GOLGB1: variants seen among roughly 807,000 people sequenced by gnomAD.
GOLGB1 encodes the protein golgin subfamily B member 1.
A neutral mutation model predicts 336.9 loss-of-function variants in GOLGB1; 174 were observed. The ratio of observed to expected loss-of-function variants is 0.52; its 90% CI spans 0.46 to 0.59. The LOEUF (loss-of-function observed/expected upper bound fraction) is 0.59. Ranked by LOEUF, GOLGB1 falls within the 20% of genes least tolerant of loss-of-function variation. The probability of loss-of-function intolerance (pLI) is 0.00; values close to 1 mark genes in which losing one functional copy is unlikely to be tolerated. For missense variants in GOLGB1, 3,331 were observed against 3,645.3 expected (o/e 0.91, Z 2.22); for synonymous variants, 1,208 against 1,289.2 (o/e 0.94, Z 1.35).
chr3:121,673,967 C>T (rs149682420), intron 17 of GOLGB1, among the ~76,000 whole-genome samples: 3 of 152,144 alleles, frequency 2.0e-5, no homozygotes, highest in African/African-American at 7.2e-5. Context: ...GTGATCCACT[C>T]ACCTTGGCCT....
rs1576433321 is a variant in GOLGB1, at chr3:121,723,627, C to T, written c.532-1249G>A. On this transcript the variant is annotated intron_variant, in intron 5 of 21. Coordinates refer to ENST00000614479, the MANE Select transcript of GOLGB1 (RefSeq NM_001366282.2). ...GGATATACCACAGTTTAAATATTTC[C>T]CTATTGATGGGCATGTGAGTTGTTT... Among the ~76,000 whole-genome samples the T allele has an allele frequency of 2.0e-5, 3 of 152,030 alleles. No individual in the cohort carries two copies. The South Asian group carries it at 6.2e-4, about 32-fold the overall frequency.
intron 10 of GOLGB1, among the ~76,000 whole-genome samples, chr3:121,705,169 G>A (rs1015508459): frequency 7.9e-5 from 12 of 152,188 alleles, no homozygotes; most frequent in Non-Finnish European, 1.6e-4. Context: ...GGAATAGGGT[G>A]AGGGTATATG....
chr3:121,669,269 A>G lies in GOLGB1; in HGVS notation c.9264T>C (p.Tyr3088=). ...CTGCACAGTGATTTAAAAGGTCACCATAGTGCTGCTGGTTCTCACGAAGAC... is the reference window on the plus strand; with the variant it reads ...CTGCACAGTGATTTAAAAGGTCACCGTAGTGCTGCTGGTTCTCACGAAGAC... ...SQSLRENQQH[Y]GDLLNHCAVL... is the part of the protein sequence containing the mutation. The change falls in exon 18 of 22, where the codon TAT becomes TAC. Residue 3088 remains tyrosine (Y), a synonymous_variant. Coordinates refer to ENST00000614479, the MANE Select transcript of GOLGB1 (RefSeq NM_001366282.2). The G allele has an allele frequency of 6.2e-7, 1 of 1,614,010 alleles. No individual in the cohort carries two copies. Among genetic ancestry groups the G allele is most frequent in the Non-Finnish European group, 8.5e-7 (1 of 1,179,874 alleles).
At position 121,690,975 on chromosome 3, in the gene GOLGB1, T is replaced by C. The variant is rs777434263; in HGVS notation, c.8389A>G (p.Met2797Val). Residue 2797 changes from methionine (M) to valine (V), a missense_variant, in exon 14 of 22, where the codon ATG becomes GTG. Transcript: ENST00000614479. ...AAGCTATTCTCCTCAGTGGAGTTCA[T>C]TGAAAAGGCGGTTTCAGAAAGAAGA... ...DALLSETAFS[M>V]NSTEENSLSH... 5.6e-6 allele frequency: 9 copies of C among 1,614,186 alleles called. No individual in the cohort carries two copies. The highest frequency in any genetic ancestry group is 3.3e-5 in the South Asian group (3 of 91,078).
intron 1 of GOLGB1, among the ~76,000 whole-genome samples, chr3:121,736,176 T>A (rs1946452756): frequency 6.6e-6 from 1 of 152,104 alleles, no homozygotes; most frequent in Admixed American, 6.5e-5. Flanking sequence ...TACAAAAGAA[T>A]TCCAAATAAT....
chr3:121,682,059 C>T (rs1941141069), intron 14 of GOLGB1, among the ~76,000 whole-genome samples, 194 bp from the exon 15 acceptor site: 1 of 152,180 alleles, frequency 6.6e-6, no homozygotes, highest in African/African-American at 2.4e-5. Context: ...TGGAAATCAC[C>T]CATGGAGCTG....
chr3:121,695,282 A>G lies in GOLGB1; in HGVS notation c.5241T>C (p.Phe1747=). 6.2e-7 allele frequency: 1 copy of G among 1,613,918 alleles called. No individual in the cohort carries two copies. The highest frequency in any genetic ancestry group is 8.5e-7 in the Non-Finnish European group (1 of 1,179,908). ...KMEYETLSKK[F]QSLMSEKDSL... ...AGTCTTTCTCAGACATTAAAGACTG[A>G]AACTTCTTAGAAAGGGTTTCATACT... The change falls in exon 13 of 22, where the codon TTT becomes TTC. Residue 1747 remains phenylalanine (F), a synonymous_variant. Transcript: ENST00000614479.
At chr3:121,730,780 A>AG in intron 2 of GOLGB1, 96 bp downstream of exon 2, 1 of 1,184,992 alleles carries the variant, frequency 8.4e-7, no homozygotes, top group Non-Finnish European at 1.2e-6. Flanking sequence ...ACCTAGTACC[A>AG]GGGAGGCTTC....
Position 121,718,447 on chromosome 3 carries a change from G to C in GOLGB1, c.826C>G (p.Arg276Gly). ...TGCAGCAAGTCAACGACCTGAGCAC[G>C]GCCCACCAAGGATTCTTCGTGTTCC... ...LEEHEESLVG[R>G]AQVVDLLQQE... The change falls in exon 8 of 22, where the codon CGT becomes GGT. Residue 276 changes from arginine to glycine, a missense_variant. Physicochemically the swap from Arg to Gly is moderately radical, Grantham distance 125. Coordinates refer to ENST00000614479, the MANE Select transcript of GOLGB1 (RefSeq NM_001366282.2). 1 of 1,613,898 alleles carries C rather than the reference G, an allele frequency of 6.2e-7. No homozygotes were observed. The highest frequency in any genetic ancestry group is 1.1e-5 in the South Asian group (1 of 91,076).
intron 17 of GOLGB1, among the ~76,000 whole-genome samples, chr3:121,676,181 A>G (rs1387590014): frequency 2.6e-5 from 4 of 152,252 alleles, no homozygotes; most frequent in African/African-American, 9.6e-5. Context: ...ATATGCAGGC[A>G]CTGTGCTTTT....
At position 121,698,167 on chromosome 3, in the gene GOLGB1, T is replaced by C. The variant is rs1943110162; in HGVS notation, c.2356A>G (p.Arg786Gly). Residue 786 changes from arginine to glycine, a missense_variant, in exon 13 of 22, where the codon AGA (arginine) becomes GGA (glycine). Transcript: ENST00000614479. The stretch of plus-strand genomic sequence containing the variant: ...GCAGTTTGGCTTTCATAATCAAGTC[T>C]TCTTTGCCTTTCTGCTTCTGCAAGG... ...MNLAEAERQR[R>G]LDYESQTAHD... 3.1e-6 allele frequency: 5 copies of C among 1,613,768 alleles called. No homozygotes were observed. The highest frequency in any genetic ancestry group is 4.2e-6 in the Non-Finnish European group (5 of 1,179,936).
chr3:121,678,560 A>G (rs571174375), intron 15 of GOLGB1, among the ~76,000 whole-genome samples: 1 of 150,104 alleles, frequency 6.7e-6, no homozygotes, highest in South Asian at 2.1e-4. Context: ...CAAATCTTGA[A>G]AGCTTTTTGA....
At position 121,702,489 on chromosome 3, in the gene GOLGB1, G is replaced by A; in HGVS notation, c.1511C>T (p.Ala504Val). ...LSSIELEELK[A>V]ENEKLSSQIT... ...TTTTCTTTTATACATACCATTCTCAGCTTTCAGCTCCTCCAGCTCTATAGA... is the reference window on the plus strand; with the variant it reads ...TTTTCTTTTATACATACCATTCTCAACTTTCAGCTCCTCCAGCTCTATAGA... Residue 504 changes from alanine to valine, a missense_variant, in exon 11 of 22, where the codon GCT (alanine) becomes GTT (valine). Physicochemically the swap from Ala to Val is moderately conservative, Grantham distance 64. Transcript: ENST00000614479. 6.9e-7 allele frequency: 1 copy of A among 1,456,620 alleles called. No individual in the cohort carries two copies. Among genetic ancestry groups the A allele is most frequent in the Non-Finnish European group, 9.2e-7 (1 of 1,091,550 alleles). 90.2% of individuals were successfully genotyped at this position (1,456,620 alleles called of 1,614,324 possible).
At position 121,691,436 on chromosome 3, in the gene GOLGB1, TCTTTTA is replaced by T. The variant is rs777806483; in HGVS notation, c.7922_7927del (p.Val2641_Lys2642del). ...AGCACTTAACCTGTGTACCTCTTCTTCTTTTACTTTTAACTGGGCATGATAGAGTCC... is the reference window on the plus strand; with the variant it reads ...AGCACTTAACCTGTGTACCTCTTCTTCTTTTAACTGGGCATGATAGAGTCC... On this transcript the variant is annotated inframe_deletion, in exon 14 of 22. Coordinates refer to ENST00000614479, the MANE Select transcript of GOLGB1 (RefSeq NM_001366282.2). The T allele has an allele frequency of 3.7e-6, 6 of 1,613,652 alleles. No individual in the cohort carries two copies. Among genetic ancestry groups the T allele is most frequent in the Middle Eastern group, 1.6e-4 (1 of 6,084 alleles).
In GOLGB1 at chr3:121,664,628, G is replaced by T. The variant is rs1271596317; in HGVS notation, c.9661-14C>A. The T allele has an allele frequency of 1.2e-6, 2 of 1,613,020 alleles. No homozygotes were observed. The highest frequency in any genetic ancestry group is 1.7e-6 in the Non-Finnish European group (2 of 1,179,058). On this transcript the variant is annotated splice_polypyrimidine_tract_variant and intron_variant, in intron 21 of 21. Coordinates refer to ENST00000614479, the MANE Select transcript of GOLGB1 (RefSeq NM_001366282.2). ...GCCACTCCGGGTCTGAAAGAAAAAT[G>T]TGAAAGTCAGAGAGTTTTCACCCTA... is the stretch of plus-strand genomic sequence containing the variant.
intron 1 of GOLGB1, among the ~76,000 whole-genome samples, chr3:121,735,174 T>G (rs896162033): frequency 4.6e-5 from 7 of 152,208 alleles, no homozygotes; most frequent in Admixed American, 4.6e-4. Flanking sequence ...AGGGAATTTT[T>G]AAGGTGAAGG....
chr3:121,736,072 T>C (rs1443762190), intron 1 of GOLGB1, among the ~76,000 whole-genome samples: 1 of 152,238 alleles, frequency 6.6e-6, no homozygotes, highest in Non-Finnish European at 1.5e-5. Context: ...TTGGATTATA[T>C]GGATTATAAC....
At chr3:121,683,053 A>ATTTTTTTTCTTTTTTT (rs1941269866) in intron 14 of GOLGB1, among the ~76,000 whole-genome samples, 1 of 82,496 alleles carries the variant, frequency 1.2e-5, no homozygotes, top group Non-Finnish European at 2.4e-5. Flanking sequence ...ATTTCTTTTA[A>ATTTTTTTTCTTTTTTT]TTTTTTTTTT....
intron 5 of GOLGB1, among the ~76,000 whole-genome samples, chr3:121,722,803 G>A (rs1945290909): frequency 6.6e-6 from 1 of 152,154 alleles, no homozygotes; most frequent in Admixed American, 6.6e-5. Flanking sequence ...TCTGAGAAAG[G>A]GACAGCCCTA....
Sources: allele counts gnomAD v4.1 joint callset (sites outside exome capture counted in the v4.1 genomes callset), GRCh38; gene constraint gnomAD v4.1.1; transcripts MANE v1.5; gene names NCBI Gene and HGNC (gene_info 2026-07-23, HGNC 2026-07-21).